Variants in RAP1GAP2 observed in about 807,000 individuals in gnomAD.
The protein encoded by RAP1GAP2 is RAP1 GTPase activating protein 2.
In RAP1GAP2, 27 loss-of-function variants were observed where a neutral mutation model predicts 95.0. The observed-to-expected ratio is 0.28, with a 90% CI of 0.21 to 0.39. RAP1GAP2 has a LOEUF of 0.39. RAP1GAP2 is among the 10% of genes least tolerant of loss of function. The probability of loss-of-function intolerance (pLI) is 1.00; values close to 1 mark genes in which losing one functional copy is unlikely to be tolerated. For missense variants in RAP1GAP2, 771 were observed against 970.0 expected (o/e 0.79, Z 2.72); for synonymous variants, 373 against 380.9 (o/e 0.98, Z 0.24).
At chr17:3,002,069 TCTC>T (rs1007377512) in intron 14 of RAP1GAP2, among the ~76,000 whole-genome samples, 44 of 151,490 alleles carry the variant, frequency 2.9e-4, no homozygotes, top group African/African-American at 1.1e-3. Flanking sequence ...TTCAAGCAAT[TCTC>T]CTGCCTCAGC....
At chr17:2,784,819 C>G (rs181350729) in intron 1 of RAP1GAP2, among the ~76,000 whole-genome samples, 5 of 152,250 alleles carry the variant, frequency 3.3e-5, no homozygotes, top group African/African-American at 4.8e-5. Context: ...GCCTGGGACA[C>G]ATGTTGCTGA....
intron 2 of RAP1GAP2, among the ~76,000 whole-genome samples, chr17:2,863,480 G>C (rs1017406170): frequency 6.6e-6 from 1 of 152,192 alleles, no homozygotes; most frequent in Non-Finnish European, 1.5e-5. Context: ...AGCTGACCTT[G>C]CCTTATGGTT....
intron 23 of RAP1GAP2, among the ~76,000 whole-genome samples, chr17:3,032,047 T>C (rs2047331676): frequency 6.8e-6 from 1 of 147,812 alleles, no homozygotes; most frequent in South Asian, 2.2e-4. Context: ...GAAGGGCTGG[T>C]TCTTGGGTCC....
At chr17:2,938,365 C>T (rs1162745115) in intron 3 of RAP1GAP2, among the ~76,000 whole-genome samples, 1 of 152,106 alleles carries the variant, frequency 6.6e-6, no homozygotes, top group East Asian at 1.9e-4. Flanking sequence ...TCATTCCTTT[C>T]CTTCCAAGCT....
At chr17:2,800,115 A>G in intron 1 of RAP1GAP2, 1 of 852,430 alleles carries the variant, frequency 1.2e-6, no homozygotes, top group Non-Finnish European at 1.4e-6. Context: ...TCAGATTGAC[A>G]TCCGTGCTGA....
intron 10 of RAP1GAP2, among the ~76,000 whole-genome samples, chr17:2,983,182 T>G (rs1391556754): frequency 6.6e-6 from 1 of 152,170 alleles, no homozygotes; most frequent in African/African-American, 2.4e-5. Context: ...GTTCCTGGTT[T>G]GTTCTTCCTC....
intron 11 of RAP1GAP2, among the ~76,000 whole-genome samples, 171 bp downstream of exon 11, chr17:2,985,237 G>T (rs912308198): frequency 6.6e-5 from 10 of 151,704 alleles, no homozygotes; most frequent in African/African-American, 2.4e-4. Flanking sequence ...TTCCAGCAAG[G>T]GTACTTCTTA....
chr17:2,755,718 A>T, exon 1 of RAP1GAP2: 1 of 331,984 alleles, frequency 3.0e-6, no homozygotes, highest in Non-Finnish European at 5.5e-6. Flanking sequence ...CGGGCGAGGC[A>T]TGGCGGGCCG....
rs759203098 is a variant in RAP1GAP2, at chr17:2,835,822, A to G, written c.80+35272A>G. Among the ~76,000 whole-genome samples the G allele has an allele frequency of 1.0e-3, 152 of 152,160 alleles. 2 individuals carry two copies. The highest frequency in any genetic ancestry group is 7.2e-4 in the Admixed American group (11 of 15,266). On this transcript the variant is annotated intron_variant, in intron 2 of 24. Coordinates refer to ENST00000254695, the MANE Select transcript of RAP1GAP2 (RefSeq NM_015085.5). ...GAATGCTTCCTTTTTTTATTCCCCA[A>G]CATTTTCCTGGAATAGTCCTTGATT...
chr17:2,796,146 C>G (rs1212584349), upstream of RAP1GAP2, among the ~76,000 whole-genome samples: 1 of 152,158 alleles, frequency 6.6e-6, no homozygotes, highest in Non-Finnish European at 1.5e-5. This position sits in a 1 kb window ranked among gnomAD's most constrained non-coding sequence, Gnocchi z 4.7. Context: ...TTCTGTCCCT[C>G]CTAGGCGTGG....
At chr17:2,958,169 G>C (rs775775785) in intron 4 of RAP1GAP2, among the ~76,000 whole-genome samples, 6 of 152,130 alleles carry the variant, frequency 3.9e-5, no homozygotes, top group Admixed American at 3.3e-4. Context: ...GGAGGCAGAG[G>C]GGTGGGGTGG....
intron 8 of RAP1GAP2, among the ~76,000 whole-genome samples, chr17:2,971,889 CT>C (rs1299417854): frequency 6.6e-6 from 1 of 152,000 alleles, no homozygotes; most frequent in Non-Finnish European, 1.5e-5. Flanking sequence ...ACCTAGGTTT[CT>C]TTTGGAAGAA....
rs1340663523 is a variant in RAP1GAP2, at chr17:2,870,942, C to T, written c.81-34342C>T. 6.6e-6 allele frequency among the ~76,000 whole-genome samples: 1 copy of T among 152,060 alleles called. No individual in the cohort carries two copies. The highest frequency in any genetic ancestry group is 1.5e-5 in the Non-Finnish European group (1 of 68,030). Reference sequence around the variant, plus strand: ...GTAGATCCTTGTGGGCTAAACGTTTCATTTTATTTTATTATTACTATTATT... The same window carrying T: ...GTAGATCCTTGTGGGCTAAACGTTTTATTTTATTTTATTATTACTATTATT... On this transcript the variant is annotated intron_variant, in intron 2 of 24. Coordinates refer to ENST00000254695, the MANE Select transcript of RAP1GAP2 (RefSeq NM_015085.5). This position sits in a 1 kb window ranked among gnomAD's most constrained non-coding sequence, Gnocchi z 4.4.
chr17:2,878,166 A>G (rs370440177), intron 2 of RAP1GAP2, among the ~76,000 whole-genome samples: 120 of 152,234 alleles, frequency 7.9e-4, no homozygotes, highest in African/African-American at 2.5e-3. Context: ...GGCCGGGGAC[A>G]CACTTAGAGT....
intron 11 of RAP1GAP2, among the ~76,000 whole-genome samples, chr17:2,986,539 A>AT (rs2045564937): frequency 2.2e-5 from 3 of 138,298 alleles, no homozygotes; most frequent in Non-Finnish European, 3.1e-5. Flanking sequence ...CCAAGAAGAT[A>AT]ATTTTTTTTT....
intron 1 of RAP1GAP2, among the ~76,000 whole-genome samples, chr17:2,763,448 C>T (rs954593243): frequency 4.6e-5 from 7 of 152,138 alleles, no homozygotes; most frequent in African/African-American, 1.4e-4. Context: ...GGAATCCCAG[C>T]GCTTTGGGAG....
intron 3 of RAP1GAP2, among the ~76,000 whole-genome samples, chr17:2,949,694 C>T (rs1283912195): frequency 2.6e-5 from 4 of 152,312 alleles, no homozygotes; most frequent in Middle Eastern, 3.4e-3. Context: ...TAACTGAGTG[C>T]CTGCTATGTG....
At chr17:2,774,513 G>C (rs1346722219), upstream of RAP1GAP2, among the ~76,000 whole-genome samples, 1 of 133,720 alleles carries the variant, frequency 7.5e-6, no homozygotes, top group Admixed American at 8.6e-5. Context: ...ATGGAGTCTC[G>C]CTCTGTCACC....
intron 1 of RAP1GAP2, among the ~76,000 whole-genome samples, chr17:2,783,005 A>G (rs1172101105): frequency 6.6e-6 from 1 of 152,198 alleles, no homozygotes; most frequent in African/African-American, 2.4e-5. Flanking sequence ...TGACAGAGTA[A>G]GACTCCGTCT....
Sources: gnomAD v4.1 joint callset for allele counts (sites outside exome capture counted in the v4.1 genomes callset) on GRCh38, gnomAD v4.1.1 for gene constraint, Gnocchi (gnomAD v3.1) non-coding constraint, MANE v1.5 for transcripts, NCBI Gene and HGNC (gene_info 2026-07-23, HGNC 2026-07-21) for gene names.